Variants in PPA2 observed in about 807,000 individuals in gnomAD.
PPA2 encodes the protein inorganic pyrophosphatase 2, also known as inorganic pyrophosphatase 2, mitochondrial.
Under a neutral mutation model 49.5 loss-of-function variants are expected in PPA2, and 48 were observed. That is an observed-to-expected ratio of 0.97 (90% CI 0.77 to 1.23). The LOEUF is 1.23. Ranked by LOEUF, PPA2 falls within the 50% of genes most tolerant of loss-of-function variation. The probability of loss-of-function intolerance (pLI) is 0.00; values close to 1 mark genes in which losing one functional copy is unlikely to be tolerated. For missense variants in PPA2, 429 were observed against 410.1 expected, an observed-to-expected ratio of 1.05 and a Z score of -0.40; for synonymous variants, 131 against 139.9, an observed-to-expected ratio of 0.94 and a Z score of 0.45.
chr4:105,405,600 C>G (rs774187728), intron 7 of PPA2: 98 of 1,005,638 alleles, frequency 9.7e-5, no homozygotes, highest in Non-Finnish European at 1.1e-4. Context: ...ACCAAATTAT[C>G]AGCAAATAAA....
intron 7 of PPA2, among the ~76,000 whole-genome samples, chr4:105,418,650 T>C (rs1185304439): frequency 6.6e-6 from 1 of 152,246 alleles, no homozygotes; most frequent in Non-Finnish European, 1.5e-5. Flanking sequence ...TTTTAAATCT[T>C]TCATTTTTTA....
chr4:105,406,189 T>A (rs1208966722), intron 7 of PPA2, among the ~76,000 whole-genome samples: 1 of 139,342 alleles, frequency 7.2e-6, no homozygotes. Context: ...AACGTGGATA[T>A]GGCAGGAAAA....
intron 7 of PPA2, among the ~76,000 whole-genome samples, chr4:105,399,849 A>T (rs1193478751): frequency 6.6e-6 from 1 of 152,222 alleles, no homozygotes; most frequent in Non-Finnish European, 1.5e-5. Context: ...GAAATATTAA[A>T]TGGAAAATTC....
At chr4:105,445,273 C>G (rs539443576) in intron 5 of PPA2, among the ~76,000 whole-genome samples, 124 of 152,296 alleles carry the variant, frequency 8.1e-4, no homozygotes, top group Non-Finnish European at 1.6e-3. Context: ...CAGGCTGCAT[C>G]CCCTAAGCTT....
chr4:105,426,359 C>T (rs1723510014), intron 6 of PPA2, among the ~76,000 whole-genome samples: 1 of 152,160 alleles, frequency 6.6e-6, no homozygotes, highest in Admixed American at 6.5e-5. Flanking sequence ...CCTCGGAGAG[C>T]AAGCCAAAGA....
At chr4:105,459,858 T>C (rs1420469803) in intron 1 of PPA2, among the ~76,000 whole-genome samples, 1 of 152,118 alleles carries the variant, frequency 6.6e-6, no homozygotes, top group Non-Finnish European at 1.5e-5. Context: ...GGCAAAACTA[T>C]AGGATAAAGT....
intron 7 of PPA2, among the ~76,000 whole-genome samples, chr4:105,407,766 C>T (rs1722550799): frequency 6.6e-6 from 1 of 152,106 alleles, no homozygotes; most frequent in South Asian, 2.1e-4. Context: ...ATGCCAGACT[C>T]CATTGATAGG....
At chr4:105,453,287 T>C (rs1722743857) in intron 3 of PPA2, among the ~76,000 whole-genome samples, 1 of 152,158 alleles carries the variant, frequency 6.6e-6, no homozygotes, top group South Asian at 2.1e-4. Context: ...GAGTTTCAGC[T>C]TGGGATGGTG....
intron 7 of PPA2, among the ~76,000 whole-genome samples, chr4:105,414,427 G>A (rs1199486100): frequency 1.3e-5 from 2 of 152,168 alleles, no homozygotes; most frequent in African/African-American, 2.4e-5. Context: ...CGCTCCGCTC[G>A]TGCTAAGCCT....
At chr4:105,471,821 T>C (rs1019888927) in intron 1 of PPA2, among the ~76,000 whole-genome samples, 3 of 152,190 alleles carry the variant, frequency 2.0e-5, no homozygotes, top group African/African-American at 7.2e-5. Context: ...ATCAGGATCT[T>C]ACCATCGGGA....
chr4:105,407,117 G>A (rs551991432), intron 7 of PPA2: 10 of 133,114 alleles, frequency 7.5e-5, no homozygotes, highest in African/African-American at 2.8e-4. Flanking sequence ...AAGAAAATTC[G>A]CCACCAGCAG....
At chr4:105,372,533 A>G (rs916186071) in intron 10 of PPA2, among the ~76,000 whole-genome samples, 3 of 152,230 alleles carry the variant, frequency 2.0e-5, no homozygotes, top group South Asian at 2.1e-4. Flanking sequence ...AATAATGCAG[A>G]TTACCCTCCA....
At chr4:105,407,408 G>C (rs534168101) in intron 7 of PPA2, among the ~76,000 whole-genome samples, 1 of 152,310 alleles carries the variant, frequency 6.6e-6, no homozygotes, top group African/African-American at 2.4e-5. Flanking sequence ...AAATGGTAGA[G>C]CCACTCTGGT....
intron 5 of PPA2, among the ~76,000 whole-genome samples, chr4:105,443,218 C>A (rs149327700): frequency 2.7e-4 from 41 of 152,084 alleles, no homozygotes; most frequent in Non-Finnish European, 4.6e-4. Flanking sequence ...GAGTTAAAGG[C>A]AACCTAAGGA....
chr4:105,400,587 C>T (rs1172849634), intron 7 of PPA2, among the ~76,000 whole-genome samples: 1 of 152,158 alleles, frequency 6.6e-6, no homozygotes, highest in African/African-American at 2.4e-5. Flanking sequence ...CAGCCAAGAT[C>T]ACGCCATTGC....
intron 6 of PPA2, among the ~76,000 whole-genome samples, chr4:105,430,842 T>G (rs1445735671): frequency 1.3e-5 from 2 of 152,260 alleles, no homozygotes; most frequent in Non-Finnish European, 2.9e-5. Context: ...TGATGGGCAC[T>G]ACAGTATGTC....
chr4:105,447,698 C>T (rs983343338), intron 4 of PPA2, among the ~76,000 whole-genome samples: 2 of 151,610 alleles, frequency 1.3e-5, no homozygotes, highest in Non-Finnish European at 2.9e-5. Flanking sequence ...AAGAGATTCT[C>T]ACCAACTGAT....
chr4:105,464,117 AGGAGG>A lies in PPA2; in HGVS notation c.158-7377_158-7373del, dbSNP rs768096830. 5.3e-5 allele frequency among the ~76,000 whole-genome samples: 8 copies of A among 152,212 alleles called. No individual in the cohort carries two copies. In the East Asian group the frequency reaches 1.5e-3, roughly 29 times the overall value. Reference sequence around the variant, plus strand: ...TTCAATCCAGCCCATGAAAGCAGCAAGGAGGGGGACTATACCCTGCAAAGCCACAG... The same window carrying A: ...TTCAATCCAGCCCATGAAAGCAGCAAGGGACTATACCCTGCAAAGCCACAG... On this transcript the variant is annotated intron_variant, in intron 1 of 11. Coordinates refer to ENST00000341695, the MANE Select transcript of PPA2 (RefSeq NM_176869.3).
intron 10 of PPA2, among the ~76,000 whole-genome samples, chr4:105,373,653 CATTTTA>C (rs1395794312): frequency 6.6e-6 from 1 of 152,034 alleles, no homozygotes; most frequent in African/African-American, 2.4e-5. Context: ...TTTATCATTA[CATTTTA>C]TTTTAAAATA....
Sources: gnomAD v4.1 joint callset for allele counts (sites outside exome capture counted in the v4.1 genomes callset) on GRCh38, gnomAD v4.1.1 for gene constraint, MANE v1.5 for transcripts, NCBI Gene and HGNC (gene_info 2026-07-23, HGNC 2026-07-21) for gene names.